The following NPTN variants were observed in gnomAD, a reference collection of about 807,000 sequenced individuals.
NPTN encodes the protein SDR-1.
Under a neutral mutation model 42.7 loss-of-function variants are expected in NPTN, and 5 were observed. That is an observed-to-expected ratio of 0.12 (90% CI 0.06 to 0.25). NPTN has a LOEUF of 0.25. Ranked by LOEUF, NPTN falls within the 10% of genes least tolerant of loss-of-function variation. The pLI is 1.00. For synonymous variants in NPTN, 180 were observed against 201.9 expected (o/e 0.89, Z 0.92); for missense variants, 307 against 525.4 (o/e 0.58, Z 4.06).
chr15:73,593,645 C>A lies in NPTN; in HGVS notation c.440-1508G>T, dbSNP rs554325550. 5.9e-5 allele frequency among the ~76,000 whole-genome samples: 9 copies of A among 152,312 alleles called. No homozygotes were observed. In the East Asian group the frequency reaches 1.5e-3, roughly 26 times the overall value. Reference sequence around the variant, plus strand: ...TTGGGAAATGTAATGTCTTAAGGACCTCCTAACCGATGTAACATTTCTGAC... The same window carrying A: ...TTGGGAAATGTAATGTCTTAAGGACATCCTAACCGATGTAACATTTCTGAC... On this transcript the variant is annotated intron_variant, in intron 2 of 8. Transcript: ENST00000345330.
At chr15:73,600,573 A>G (rs1897041100) in intron 1 of NPTN, among the ~76,000 whole-genome samples, 1 of 152,242 alleles carries the variant, frequency 6.6e-6, no homozygotes, top group Non-Finnish European at 1.5e-5. Flanking sequence ...CCTGGAATCC[A>G]AAGTGAAAGC....
intron 4 of NPTN, among the ~76,000 whole-genome samples, chr15:73,578,572 T>C (rs1253626647): frequency 6.6e-6 from 1 of 152,208 alleles, no homozygotes; most frequent in East Asian, 1.9e-4. Flanking sequence ...TGCAAAAGAA[T>C]AAGAGTGTTT....
intron 3 of NPTN, 149 bp downstream of exon 3, chr15:73,591,809 ACTACTGGG>A (rs1393670969): frequency 1.7e-6 from 1 of 592,274 alleles, no homozygotes; most frequent in African/African-American, 1.9e-5. Context: ...TCTTTTCTAG[ACTACTGGG>A]CCTTACCTGA....
intron 6 of NPTN, among the ~76,000 whole-genome samples, chr15:73,566,573 T>G (rs1895019729): frequency 6.6e-6 from 1 of 152,130 alleles, no homozygotes; most frequent in African/African-American, 2.4e-5. Context: ...GTGGGTTCAC[T>G]CCCCATTCCT....
chr15:73,569,043 A>AG lies in NPTN; in HGVS notation c.1114+1106dup, dbSNP rs1307037991. Reference sequence around the variant, plus strand: ...TCTGTGGGGCAGGATACAGCACCACAGGTGCACAAACACAGGCCCCAGAAC... The same window carrying AG: ...TCTGTGGGGCAGGATACAGCACCACAGGGTGCACAAACACAGGCCCCAGAAC... On this transcript the variant is annotated intron_variant, in intron 6 of 8. Coordinates refer to ENST00000345330, the MANE Select transcript of NPTN (RefSeq NM_012428.4). The surrounding 1 kb of genome is among the most constrained non-coding windows in gnomAD (Gnocchi z 4.1). 1 of 985,430 alleles carries AG rather than the reference A, an allele frequency of 1.0e-6. No individual in the cohort carries two copies. Among genetic ancestry groups the AG allele is most frequent in the Non-Finnish European group, 1.2e-6 (1 of 830,038 alleles). The allele number at this position is 985,430 out of a possible 1,614,324, so 61.0% of individuals were successfully genotyped here.
At chr15:73,578,585 TG>T (rs2141372973) in intron 4 of NPTN, among the ~76,000 whole-genome samples, 1 of 152,352 alleles carries the variant, frequency 6.6e-6, no homozygotes, top group East Asian at 1.9e-4. Context: ...GAGTGTTTTT[TG>T]TTTGCTTAAT....
In NPTN at chr15:73,589,083, G is replaced by A. The variant is rs149036424; in HGVS notation, c.612-1465C>T. Among the ~76,000 whole-genome samples, 887 of 152,274 alleles carry A rather than the reference G, an allele frequency of 5.8e-3. 6 individuals carry two copies. Among genetic ancestry groups the A allele is most frequent in the African/African-American group, 0.02 (845 of 41,546 alleles). ...GTGGTGGCTCACACCTGTAATCCCA[G>A]CACTTTGGGAGGCTGAGGTGTGTGG... On this transcript the variant is annotated intron_variant, in intron 3 of 8. Transcript: ENST00000345330.
rs1369223187 is a variant in NPTN at position 73,573,703 on chromosome 15, G to T, written c.799C>A (p.Pro267Thr). The T allele has an allele frequency of 1.3e-6, 2 of 1,596,162 alleles. No homozygotes were observed. Among genetic ancestry groups the T allele is most frequent in the Admixed American group, 3.5e-5 (2 of 57,186 alleles). Residue 267 changes from proline to threonine, a missense_variant, in exon 5 of 9, where the codon CCA becomes ACA. Pro to Thr is a conservative substitution (Grantham distance 38). This residue lies in a region of NPTN where 264 missense variants were observed against 491.1 expected (regional missense o/e 0.54). Transcript: ENST00000345330. ...MYCKSVGYPH[P>T]DWIWRKKENG... ...TCCTTCTTGCGCCATATCCAGTCTG[G>T]GTGGGGGTAGCCAACTGACTTGCAA...
intron 1 of NPTN, among the ~76,000 whole-genome samples, chr15:73,602,122 T>C (rs1197598759): frequency 6.6e-6 from 1 of 152,162 alleles, no homozygotes; most frequent in Non-Finnish European, 1.5e-5. Context: ...TAAAAAAAGC[T>C]AGCCTAGCCC....
chr15:73,571,722 A>G (rs1595900473), intron 5 of NPTN, among the ~76,000 whole-genome samples: 2 of 152,028 alleles, frequency 1.3e-5, no homozygotes, highest in South Asian at 4.2e-4. Flanking sequence ...AAACAGACTC[A>G]TGTGTCTTTA....
chr15:73,587,713 C>T, intron 3 of NPTN, 95 bp from the exon 4 acceptor site: 1 of 880,014 alleles, frequency 1.1e-6, no homozygotes, highest in Non-Finnish European at 1.9e-6. Context: ...GGATCCTGCT[C>T]TCCGAACCCT....
At chr15:73,625,799 GA>G (rs1402514793) in intron 1 of NPTN, among the ~76,000 whole-genome samples, 2 of 152,110 alleles carry the variant, frequency 1.3e-5, no homozygotes, top group African/African-American at 2.4e-5. Flanking sequence ...GGGTGTAGCT[GA>G]AACTAGATGA....
chr15:73,613,085 T>C (rs117003627), intron 1 of NPTN, among the ~76,000 whole-genome samples: 945 of 152,332 alleles, frequency 6.2e-3, no homozygotes, highest in Non-Finnish European at 9.7e-3. Flanking sequence ...GGATGTATTA[T>C]GTAAGATTAA....
rs112811114 is a variant in NPTN, at chr15:73,579,277, CAA to C, written c.707-5484_707-5483del. On this transcript the variant is annotated intron_variant, in intron 4 of 8. Transcript: ENST00000345330. ...CTGGGCGACAGAGGGGACTCCGTCT[CAA>C]AAAAAAAAAAAAAAATCCAAGTAAA... is the stretch of plus-strand genomic sequence containing the variant. Among the ~76,000 whole-genome samples, 524 of 115,806 alleles carry C rather than the reference CAA, an allele frequency of 4.5e-3. 3 individuals carry two copies. Among genetic ancestry groups the C allele is most frequent in the South Asian group, 0.016 (58 of 3,548 alleles). The allele number at this position is 115,806 out of a possible 152,430, so 76.0% of individuals were successfully genotyped here.
At position 73,633,110 on chromosome 15, in the gene NPTN, C is replaced by A. The variant is rs1429249320; in HGVS notation, c.91+15G>T. 3 of 1,450,692 alleles carry A rather than the reference C, an allele frequency of 2.1e-6. No homozygotes were observed. Among genetic ancestry groups the A allele is most frequent in the Non-Finnish European group, 2.7e-6 (3 of 1,105,804 alleles). The allele number at this position is 1,450,692 out of a possible 1,614,324, so 89.9% of individuals were successfully genotyped here. The stretch of plus-strand genomic sequence containing the variant: ...CCTCAACCCCCGCCCGGCCCGCCCC[C>A]GGCGCCCCGCTTACCGTTCTGAGCG... On this transcript the variant is annotated intron_variant, in intron 1 of 8. Coordinates refer to ENST00000345330, the MANE Select transcript of NPTN (RefSeq NM_012428.4).
intron 1 of NPTN, among the ~76,000 whole-genome samples, chr15:73,613,487 A>G (rs1897693928): frequency 6.6e-6 from 1 of 152,194 alleles, no homozygotes; most frequent in Non-Finnish European, 1.5e-5. Flanking sequence ...TACAAAGATC[A>G]ATGAACAGTA....
intron 6 of NPTN, among the ~76,000 whole-genome samples, chr15:73,565,474 G>C (rs912767117): frequency 6.6e-6 from 1 of 152,226 alleles, no homozygotes; most frequent in Non-Finnish European, 1.5e-5. Context: ...TTAACATTAT[G>C]AACTGTGCAT....
chr15:73,626,034 T>A (rs972463386), intron 1 of NPTN, among the ~76,000 whole-genome samples: 1 of 152,224 alleles, frequency 6.6e-6, no homozygotes, highest in Non-Finnish European at 1.5e-5. Flanking sequence ...CTTCTTCGAC[T>A]ATAATGGACG....
Position 73,597,497 on chromosome 15 carries a change from G to T in NPTN, c.92-128C>A. The T allele has an allele frequency of 2.8e-6, 2 of 718,356 alleles. No individual in the cohort carries two copies. The highest frequency in any genetic ancestry group is 4.5e-6 in the Non-Finnish European group (2 of 440,406). 44.5% of individuals were successfully genotyped at this position (718,356 alleles called of 1,614,324 possible). A position where few individuals can be genotyped will look rare whatever the true frequency, so the allele number is the denominator to read the frequency against. ...AAATGAGTTGCAAAGAACAAAAAAG[G>T]ATTCATTTTTAAACTATAAAGAGAC... On this transcript the variant is annotated intron_variant, in intron 1 of 8. Coordinates refer to ENST00000345330, the MANE Select transcript of NPTN (RefSeq NM_012428.4). This position sits in a 1 kb window ranked among gnomAD's most constrained non-coding sequence, Gnocchi z 6.3.
Sources: allele counts gnomAD v4.1 joint callset (sites outside exome capture counted in the v4.1 genomes callset), GRCh38; gene constraint gnomAD v4.1.1; regional missense constraint gnomAD v4.1.1; non-coding constraint Gnocchi (gnomAD v3.1); transcripts MANE v1.5; gene names NCBI Gene and HGNC (gene_info 2026-07-23, HGNC 2026-07-21).